Variants in NINL observed in about 807,000 individuals in gnomAD.
NINL encodes the protein ninein-like protein.
NINL carries 153 observed loss-of-function variants against 160.3 expected under a neutral mutation model. That is an observed-to-expected ratio of 0.95 (90% CI 0.84 to 1.09). NINL has a LOEUF of 1.09. NINL is among the 50% of genes least tolerant of loss of function. The probability of loss-of-function intolerance (pLI) is 0.00; values close to 1 mark genes in which losing one functional copy is unlikely to be tolerated. For synonymous variants in NINL, 800 were observed against 734.8 expected (o/e 1.09, Z -1.43); for missense variants, 1,829 against 1,764.0 (o/e 1.04, Z -0.66).
chr20:25,453,909 G>A (rs753015270), intron 23 of NINL, among the ~76,000 whole-genome samples: 29 of 152,218 alleles, frequency 1.9e-4, no homozygotes, highest in South Asian at 1.5e-3. Context: ...AAAATTAGCT[G>A]GGCGTGGTGG....
At chr20:25,516,720 T>C (rs1427485224) in intron 3 of NINL, among the ~76,000 whole-genome samples, 1 of 152,106 alleles carries the variant, frequency 6.6e-6, no homozygotes, top group East Asian at 1.9e-4. Flanking sequence ...AGGTCATGCA[T>C]ATGGCTAGTG....
intron 17 of NINL, among the ~76,000 whole-genome samples, chr20:25,473,131 C>T (rs1475715512): frequency 6.6e-6 from 1 of 152,180 alleles, no homozygotes; most frequent in Non-Finnish European, 1.5e-5. Context: ...TGCATGATTC[C>T]TCTCCATAAA....
chr20:25,499,439 G>T (rs1238739087), intron 8 of NINL, among the ~76,000 whole-genome samples: 2 of 152,198 alleles, frequency 1.3e-5, no homozygotes, highest in Non-Finnish European at 2.9e-5. Context: ...TTCTGAAAGG[G>T]CAGAGGCAAC....
At position 25,477,037 on chromosome 20, in the gene NINL, G is replaced by A; in HGVS notation, c.2254C>T (p.Pro752Ser). 2 of 1,599,194 alleles carry A rather than the reference G, an allele frequency of 1.3e-6. No homozygotes were observed. Among genetic ancestry groups the A allele is most frequent in the Non-Finnish European group, 1.7e-6 (2 of 1,179,634 alleles). Reference sequence around the variant, plus strand: ...TCCAAGGTCAGGTCTCTGCGAGCGGGCAGGGCTCCCAGCCCCGACAGCTCT... The same window carrying A: ...TCCAAGGTCAGGTCTCTGCGAGCGGACAGGGCTCCCAGCCCCGACAGCTCT... The part of the protein sequence containing the change: ...SGELSGLGAL[P>S]ARRDLTLELE... Residue 752 changes from proline to serine, a missense_variant, in exon 17 of 24, where the codon CCC (proline) becomes TCC (serine). Pro to Ser is a moderately conservative substitution (Grantham distance 74). Transcript: ENST00000278886.
At chr20:25,481,876 A>G in intron 14 of NINL, 92 bp downstream of exon 14, 2 of 1,509,150 alleles carry the variant, frequency 1.3e-6, no homozygotes, top group Non-Finnish European at 1.8e-6. Context: ...CAACATCATC[A>G]TCTTCATCAT....
Position 25,458,491 on chromosome 20 carries a change from G to C in NINL, c.3735C>G (p.Ala1245=), listed in dbSNP as rs764425934. Residue 1245 remains alanine, a synonymous_variant, in exon 22 of 24, where the codon GCC becomes GCG. Transcript: ENST00000278886. ...GAHLRLRQAQ[A]QHLQEVRLVP... ...CCAGCCGGACCTCCTGCAAGTGCTGGGCCTGGGCCTGCCTCAGCCTCAGGT... is the reference window on the plus strand; with the variant it reads ...CCAGCCGGACCTCCTGCAAGTGCTGCGCCTGGGCCTGCCTCAGCCTCAGGT... 1.9e-6 allele frequency: 3 copies of C among 1,601,332 alleles called. No homozygotes were observed. The Admixed American group carries it at 5.0e-5, about 27-fold the overall frequency.
At chr20:25,547,733 C>T (rs1336515527) in intron 1 of NINL, among the ~76,000 whole-genome samples, 2 of 152,176 alleles carry the variant, frequency 1.3e-5, no homozygotes, top group Non-Finnish European at 2.9e-5. Context: ...AATACAATCA[C>T]ATTCTGAGGT....
At chr20:25,500,713 G>T in intron 8 of NINL, 127 bp downstream of exon 8, 1 of 862,608 alleles carries the variant, frequency 1.2e-6, no homozygotes, top group Non-Finnish European at 1.7e-6. Flanking sequence ...TTCCTTGCAT[G>T]GCATTCTCTG....
At chr20:25,566,607 G>A (rs1426431465) in intron 1 of NINL, among the ~76,000 whole-genome samples, 4 of 152,106 alleles carry the variant, frequency 2.6e-5, no homozygotes, top group African/African-American at 9.7e-5. Context: ...CTCTAAGAAA[G>A]AATCAGAAGA....
chr20:25,456,103 C>T (rs935571721), intron 22 of NINL, among the ~76,000 whole-genome samples: 4 of 148,300 alleles, frequency 2.7e-5, no homozygotes, highest in East Asian at 4.0e-4. Context: ...ATTAGCTGGG[C>T]GTGGTAGCGT....
chr20:25,561,450 G>A (rs1424554431), intron 1 of NINL, among the ~76,000 whole-genome samples: 3 of 152,208 alleles, frequency 2.0e-5, no homozygotes, highest in African/African-American at 7.2e-5. Flanking sequence ...CTGCCCGGCC[G>A]CTACCCCGTC....
At chr20:25,486,951 G>A (rs1299852746) in intron 13 of NINL, among the ~76,000 whole-genome samples, 2 of 152,314 alleles carry the variant, frequency 1.3e-5, no homozygotes, top group Middle Eastern at 3.4e-3. Context: ...TTCAAATCCT[G>A]TGAAATTACT....
At chr20:25,473,871 A>T (rs1027359405) in intron 17 of NINL, among the ~76,000 whole-genome samples, 11 of 152,180 alleles carry the variant, frequency 7.2e-5, no homozygotes, top group Non-Finnish European at 1.0e-4. Context: ...CCGTCTCAAA[A>T]AAATAAATAA....
In NINL at chr20:25,477,006, T is replaced by G; in HGVS notation, c.2285A>C (p.Glu762Ala). Residue 762 changes from glutamate (E) to alanine (A), a missense_variant, in exon 17 of 24, where the codon GAG (glutamate) becomes GCG (alanine). Glu to Ala is a moderately radical substitution (Grantham distance 107). Coordinates refer to ENST00000278886, the MANE Select transcript of NINL (RefSeq NM_025176.6). ...TGGCAGGGGTCCCTGCGGCGGCTCCTCCAGCTCCAAGGTCAGGTCTCTGCG... is the reference window on the plus strand; with the variant it reads ...TGGCAGGGGTCCCTGCGGCGGCTCCGCCAGCTCCAAGGTCAGGTCTCTGCG... Reference protein sequence around the residue: ...PARRDLTLELEEPPQGPLPRG... With the variant: ...PARRDLTLELAEPPQGPLPRG... 6.2e-7 allele frequency: 1 copy of G among 1,601,626 alleles called. No individual in the cohort carries two copies. The highest frequency in any genetic ancestry group is 8.5e-7 in the Non-Finnish European group (1 of 1,179,710).
chr20:25,480,224 C>T lies in NINL; in HGVS notation c.1854G>A (p.Thr618=), dbSNP rs148838435. 65 of 1,613,936 alleles carry T rather than the reference C, an allele frequency of 4.0e-5. No homozygotes were observed. The highest frequency in any genetic ancestry group is 5.0e-5 in the Non-Finnish European group (59 of 1,180,022). Residue 618 remains threonine, a synonymous_variant, in exon 15 of 24, where the codon ACG becomes ACA. Transcript: ENST00000278886. ...CCTTTACCTGCTCCATCATCAGCTC[C>T]GTTTCTATACTCACTGGAGCAGAAT... ...LGNSAPVSIE[T]ELMMEQVKEH...
chr20:25,491,447 C>T lies in NINL; in HGVS notation c.1389G>A (p.Glu463=). 1 of 1,613,996 alleles carries T rather than the reference C, an allele frequency of 6.2e-7. No homozygotes were observed. The highest frequency in any genetic ancestry group is 1.1e-5 in the South Asian group (1 of 91,084). The change falls in exon 11 of 24, where the codon GAG becomes GAA. Residue 463 remains glutamate (E), a synonymous_variant. Coordinates refer to ENST00000278886, the MANE Select transcript of NINL (RefSeq NM_025176.6). The part of the protein sequence containing the change: ...EVEAERELFW[E]QAHRQRAALE... ...GCGCGGCCCTCTGCCTGTGGGCCTGCTCCCAGAACAGCTCTCGCTCCGCCT... is the reference window on the plus strand; with the variant it reads ...GCGCGGCCCTCTGCCTGTGGGCCTGTTCCCAGAACAGCTCTCGCTCCGCCT...
At chr20:25,583,517 CTG>C (rs1441048486) in intron 1 of NINL, among the ~76,000 whole-genome samples, 5 of 152,196 alleles carry the variant, frequency 3.3e-5, no homozygotes, top group African/African-American at 1.2e-4. Flanking sequence ...CGCTTTTACA[CTG>C]TTGGTGGGAG....
intron 1 of NINL, among the ~76,000 whole-genome samples, chr20:25,555,181 G>C (rs772770039): frequency 1.3e-5 from 2 of 152,120 alleles, no homozygotes; most frequent in African/African-American, 4.8e-5. Flanking sequence ...TCTATCAGGC[G>C]TCTAGCTTGG....
chr20:25,493,482 T>C (rs2146710837), intron 10 of NINL, among the ~76,000 whole-genome samples: 1 of 152,198 alleles, frequency 6.6e-6, no homozygotes, highest in Admixed American at 6.5e-5. Flanking sequence ...GGAAATGAGT[T>C]CCTGGAGCTC....
Sources: gnomAD v4.1 joint callset for allele counts (sites outside exome capture counted in the v4.1 genomes callset) on GRCh38, gnomAD v4.1.1 for gene constraint, MANE v1.5 for transcripts, NCBI Gene and HGNC (gene_info 2026-07-23, HGNC 2026-07-21) for gene names.